The following BCAS3 variants were observed in gnomAD, a reference collection of about 807,000 sequenced individuals.
BCAS3 encodes BCAS4/BCAS3 fusion.
BCAS3 carries 53 observed loss-of-function variants against 116.1 expected under a neutral mutation model. That is an observed-to-expected ratio of 0.46 (90% CI 0.37 to 0.57). The LOEUF (loss-of-function observed/expected upper bound fraction) is 0.57. Ranked by LOEUF, BCAS3 falls within the 20% of genes least tolerant of loss-of-function variation. BCAS3 has a pLI of 0.00. For synonymous variants in BCAS3, 391 were observed against 408.2 expected, an observed-to-expected ratio of 0.96 and a Z score of 0.51; for missense variants, 917 against 1,165.4, an observed-to-expected ratio of 0.79 and a Z score of 3.10.
Position 60,679,483 on chromosome 17 carries a change from C to T in BCAS3, c.26C>T (p.Ser9Phe), listed in dbSNP as rs762229492. ...ATGAATGAAGCTATGGCTACAGATTCCCCAAGAAGACCCAGTCGTTGTACT... is the reference window on the plus strand; with the variant it reads ...ATGAATGAAGCTATGGCTACAGATTTCCCAAGAAGACCCAGTCGTTGTACT... MNEAMATD[S>F]PRRPSRCTGG... The change falls in exon 2 of 24, where the codon TCC (serine) becomes TTC (phenylalanine). Residue 9 changes from serine (S) to phenylalanine (F), a missense_variant. Around this residue, in one of 3 missense-constraint regions of BCAS3, gnomAD observed 807 missense variants for 1,026.0 expected, o/e 0.79. Transcript: ENST00000407086. 1 of 1,613,766 alleles carries T rather than the reference C, an allele frequency of 6.2e-7. No individual in the cohort carries two copies. Among genetic ancestry groups the T allele is most frequent in the African/African-American group, 1.3e-5 (1 of 74,904 alleles).
In BCAS3 at chr17:61,145,237, G is replaced by C. The variant is rs1352730573; in HGVS notation, c.2425+60673G>C. On this transcript the variant is annotated intron_variant, in intron 22 of 23. Coordinates refer to ENST00000407086, the MANE Select transcript of BCAS3 (RefSeq NM_017679.5). The surrounding 1 kb of genome is among the most constrained non-coding windows in gnomAD (Gnocchi z 5.0). The stretch of plus-strand genomic sequence containing the variant: ...TTTCCACCAGTCTTGAATCTTTCTT[G>C]TTTCTGCCGTCTTCACCTTTGCTGA... 6.6e-6 allele frequency among the ~76,000 whole-genome samples: 1 copy of C among 152,116 alleles called. No homozygotes were observed. Among genetic ancestry groups the C allele is most frequent in the Non-Finnish European group, 1.5e-5 (1 of 68,012 alleles).
chr17:61,305,950 G>A (rs1452757128), intron 22 of BCAS3, among the ~76,000 whole-genome samples: 1 of 152,164 alleles, frequency 6.6e-6, no homozygotes, highest in Non-Finnish European at 1.5e-5. Context: ...TTGATCCCCT[G>A]GTGGATGGTC....
At chr17:61,154,435 CA>C (rs1393384789) in intron 22 of BCAS3, among the ~76,000 whole-genome samples, 1 of 147,692 alleles carries the variant, frequency 6.8e-6, no homozygotes, top group Non-Finnish European at 1.5e-5. Context: ...CCAGCACAAG[CA>C]ATTTTTTTTT....
intron 22 of BCAS3, among the ~76,000 whole-genome samples, chr17:61,303,369 G>A (rs904201260): frequency 3.9e-5 from 6 of 152,114 alleles, no homozygotes; most frequent in African/African-American, 1.4e-4. Context: ...ACTTCTGAAC[G>A]GCCAGAGAAA....
chr17:60,703,092 T>G (rs1276402431), intron 4 of BCAS3, among the ~76,000 whole-genome samples: 1 of 151,000 alleles, frequency 6.6e-6, no homozygotes, highest in Non-Finnish European at 1.5e-5. Context: ...CTGGCCAACA[T>G]GGTGAAACAC....
chr17:61,075,109 AT>A, intron 20 of BCAS3, 89 bp downstream of exon 20: 1 of 978,946 alleles, frequency 1.0e-6, no homozygotes, highest in Admixed American at 2.3e-5. Flanking sequence ...AAAGGGGAGA[AT>A]TGGTAACTCT....
chr17:60,860,459 G>T (rs2054059171), intron 7 of BCAS3, among the ~76,000 whole-genome samples: 1 of 152,150 alleles, frequency 6.6e-6, no homozygotes, highest in Non-Finnish European at 1.5e-5. Context: ...AGTTTCTTGT[G>T]CTGTGCTGAA....
chr17:60,701,429 T>C (rs537948580), intron 4 of BCAS3, among the ~76,000 whole-genome samples: 2 of 152,118 alleles, frequency 1.3e-5, no homozygotes, highest in South Asian at 4.1e-4. Flanking sequence ...ACCAAAAAAA[T>C]AGAATATAGT....
intron 22 of BCAS3, among the ~76,000 whole-genome samples, chr17:61,334,031 T>A (rs1316906729): frequency 6.6e-6 from 1 of 152,118 alleles, no homozygotes. Flanking sequence ...ATTTGATGAG[T>A]CCCTAAGAGA....
At chr17:61,177,043 G>A (rs1271790883) in intron 22 of BCAS3, among the ~76,000 whole-genome samples, 2 of 152,142 alleles carry the variant, frequency 1.3e-5, no homozygotes, top group Non-Finnish European at 2.9e-5. Context: ...TTAAAATGCT[G>A]ATCATACCTA....
intron 22 of BCAS3, among the ~76,000 whole-genome samples, chr17:61,319,722 C>T (rs1004470550): frequency 4.6e-5 from 7 of 151,800 alleles, no homozygotes; most frequent in African/African-American, 1.7e-4. Context: ...TAGTGCAGAA[C>T]TGTATCTCTT....
intron 23 of BCAS3, chr17:61,389,760 C>T (rs1445416237): frequency 2.0e-5 from 3 of 152,318 alleles, no homozygotes; most frequent in African/African-American, 7.2e-5. Flanking sequence ...GGTGGCTTTC[C>T]CTGCACTGTG....
At chr17:60,793,548 G>A (rs910578843) in intron 6 of BCAS3, among the ~76,000 whole-genome samples, 17 of 151,260 alleles carry the variant, frequency 1.1e-4, no homozygotes, top group Non-Finnish European at 4.4e-5. Flanking sequence ...TTTATCCATC[G>A]CCCCCATCTC....
At chr17:60,894,915 C>A (rs966489578) in intron 10 of BCAS3, among the ~76,000 whole-genome samples, 1 of 151,900 alleles carries the variant, frequency 6.6e-6, no homozygotes, top group Admixed American at 6.6e-5. Context: ...GAATAAATCC[C>A]CCTTGATTGT....
intron 22 of BCAS3, among the ~76,000 whole-genome samples, chr17:61,179,344 GA>G (rs1232787416): frequency 6.6e-6 from 1 of 150,450 alleles, no homozygotes; most frequent in Non-Finnish European, 1.5e-5. Flanking sequence ...TCAGTGCATG[GA>G]TAGAAAAATT....
intron 16 of BCAS3, among the ~76,000 whole-genome samples, chr17:61,025,377 T>A (rs2145569276): frequency 6.6e-6 from 1 of 152,184 alleles, no homozygotes; most frequent in South Asian, 2.1e-4. Flanking sequence ...TTATCGGAAA[T>A]ACAGAATCTC....
chr17:61,389,818 C>G (rs900293145), intron 23 of BCAS3: 1 of 152,358 alleles, frequency 6.6e-6, no homozygotes, highest in African/African-American at 2.4e-5. Context: ...GTGGGACCAC[C>G]GAGGCTGCTG....
Position 61,128,721 on chromosome 17 carries a change from T to C in BCAS3, c.2425+44157T>C, listed in dbSNP as rs2076172188. ...GCATATTGGCAGTCGTCTCACAACA[T>C]GATTTTGCATTTACATCATCGTGCT... On this transcript the variant is annotated intron_variant, in intron 22 of 23. Transcript: ENST00000407086. The surrounding 1 kb of genome is among the most constrained non-coding windows in gnomAD (Gnocchi z 4.1). The C allele has an allele frequency of 1.7e-6, 1 of 590,244 alleles. No individual in the cohort carries two copies. The highest frequency in any genetic ancestry group is 7.4e-5 in the South Asian group (1 of 13,482). 36.6% of individuals were successfully genotyped at this position (590,244 alleles called of 1,614,324 possible).
chr17:61,186,901 A>G lies in BCAS3; in HGVS notation c.2425+102337A>G, dbSNP rs546987240. On this transcript the variant is annotated intron_variant, in intron 22 of 23. Coordinates refer to ENST00000407086, the MANE Select transcript of BCAS3 (RefSeq NM_017679.5). This position sits in a 1 kb window ranked among gnomAD's most constrained non-coding sequence, Gnocchi z 4.9. ...AATTTTTTGTATTTTTAATAGAGAC[A>G]GGGTTTCACCGTGTTAGCCAGGATG... Among the ~76,000 whole-genome samples the G allele has an allele frequency of 5.3e-5, 8 of 152,210 alleles. No homozygotes were observed. In the South Asian group the frequency reaches 1.7e-3, roughly 32 times the overall value.
Sources: gnomAD v4.1 joint callset for allele counts (sites outside exome capture counted in the v4.1 genomes callset) on GRCh38, gnomAD v4.1.1 for gene constraint, gnomAD v4.1.1 regional missense constraint, Gnocchi (gnomAD v3.1) non-coding constraint, MANE v1.5 for transcripts, NCBI Gene and HGNC (gene_info 2026-07-23, HGNC 2026-07-21) for gene names.